The following FRMPD4 variants were observed in gnomAD, a reference collection of about 807,000 sequenced individuals.
FRMPD4 encodes FERM and PDZ domain containing 4.
FRMPD4 carries 22 observed loss-of-function variants against 94.1 expected under a neutral mutation model. That is an observed-to-expected ratio of 0.23 (90% CI 0.17 to 0.33). The LOEUF (loss-of-function observed/expected upper bound fraction) is 0.33. Ranked by LOEUF, FRMPD4 falls within the 10% of genes least tolerant of loss-of-function variation. FRMPD4 has a pLI of 1.00. For missense variants in FRMPD4, 1,111 were observed against 1,339.9 expected, an observed-to-expected ratio of 0.83 and a Z score of 2.67; for synonymous variants, 631 against 548.6, an observed-to-expected ratio of 1.15 and a Z score of -2.10.
chrX:11,952,557 C>T (rs1383445133), intron 3 of FRMPD4, among the ~76,000 whole-genome samples: 1 of 112,436 alleles, frequency 8.9e-6, no homozygotes, highest in Admixed American at 9.4e-5. Flanking sequence ...CCTCCCTTTT[C>T]CAGATGTGAA....
chrX:12,090,092 G>A (rs1464626454), intron 3 of FRMPD4, among the ~76,000 whole-genome samples: 1 of 111,605 alleles, frequency 9.0e-6, no homozygotes, highest in Non-Finnish European at 1.9e-5. Flanking sequence ...ACAGTGATAT[G>A]GTTTGGACCT....
chrX:12,397,262 TAAA>T (rs79137864), intron 1 of FRMPD4, among the ~76,000 whole-genome samples: 2 of 104,980 alleles, frequency 1.9e-5, no homozygotes, highest in Non-Finnish European at 4.0e-5. Flanking sequence ...AACTTTTTTT[TAAA>T]AAAAAAAATA....
chrX:12,295,078 A>G (rs1285826995), intron 1 of FRMPD4, among the ~76,000 whole-genome samples: 1 of 111,941 alleles, frequency 8.9e-6, no homozygotes, highest in East Asian at 2.8e-4. Context: ...TTATATCAAT[A>G]CCTCCTTTCC....
At chrX:12,222,119 G>A (rs1423222301) in intron 1 of FRMPD4, among the ~76,000 whole-genome samples, 2 of 111,518 alleles carry the variant, frequency 1.8e-5, no homozygotes, top group South Asian at 3.8e-4. Context: ...GATTGCTTGA[G>A]CTTCGGAGTT....
At chrX:12,286,453 G>A (rs2054601042) in intron 1 of FRMPD4, among the ~76,000 whole-genome samples, 1 of 111,849 alleles carries the variant, frequency 8.9e-6, no homozygotes, top group Non-Finnish European at 1.9e-5. Context: ...TGAATTAAAT[G>A]ATATGAATAA....
chrX:12,720,045 GAAAGGAAAGA>G (rs1240145668), intron 16 of FRMPD4, among the ~76,000 whole-genome samples: 2 of 13,024 alleles, frequency 1.5e-4, no homozygotes, highest in African/African-American at 3.5e-4. Context: ...GAAAGGAAAG[GAAAGGAAAGA>G]AAGAAAGAAA....
At chrX:12,264,387 G>A (rs1340388743) in intron 1 of FRMPD4, among the ~76,000 whole-genome samples, 1 of 111,630 alleles carries the variant, frequency 9.0e-6, no homozygotes, top group Non-Finnish European at 1.9e-5. Flanking sequence ...AGAAGTTTGG[G>A]GTTCAGAGAC....
At chrX:12,668,836 C>T (rs937800965) in intron 4 of FRMPD4, among the ~76,000 whole-genome samples, 2 of 110,718 alleles carry the variant, frequency 1.8e-5, no homozygotes, top group African/African-American at 6.6e-5. Context: ...AACTCCTGAC[C>T]TCAGGTGATC....
At chrX:11,918,240 A>G (rs1185977063) in intron 3 of FRMPD4, among the ~76,000 whole-genome samples, 1 of 113,088 alleles carries the variant, frequency 8.8e-6, no homozygotes, top group Non-Finnish European at 1.9e-5. Context: ...TGAGTTATTA[A>G]TTTGTTCTGT....
chrX:12,061,118 T>A (rs1419426543), intron 3 of FRMPD4, among the ~76,000 whole-genome samples: 3 of 111,961 alleles, frequency 2.7e-5, no homozygotes, highest in Non-Finnish European at 5.6e-5. Flanking sequence ...AATGAGTAAA[T>A]GTCAAAGAAG....
In FRMPD4 at chrX:11,925,252, T is replaced by C. The variant is rs191475374; in HGVS notation, c.95+47234T>C. On this transcript the variant is annotated intron_variant, in intron 3 of 18. Transcript: ENST00000640291. The stretch of plus-strand genomic sequence containing the variant: ...TGCACCCAACACAGGAGTGCCCAGA[T>C]TCATAAAGCAAGTTTGTAGAGACCT... Among the ~76,000 whole-genome samples the C allele has an allele frequency of 1.8e-3, 205 of 111,086 alleles. 1 individual carries two copies. Among genetic ancestry groups the C allele is most frequent in the African/African-American group, 5.7e-3 (173 of 30,543 alleles).
intron 1 of FRMPD4, among the ~76,000 whole-genome samples, chrX:12,291,769 C>T (rs953140271): frequency 5.4e-5 from 6 of 111,429 alleles, no homozygotes; most frequent in African/African-American, 2.0e-4. Context: ...ATCTGGTCTC[C>T]TTTCCTTTTG....
chrX:12,613,845 C>T (rs1169252872), intron 3 of FRMPD4, among the ~76,000 whole-genome samples: 1 of 112,428 alleles, frequency 8.9e-6, no homozygotes, highest in Admixed American at 9.3e-5. Context: ...GGCATGGTGG[C>T]GGGCGCCTGT....
At chrX:11,846,283 G>A (rs2053576431) in intron 1 of FRMPD4, among the ~76,000 whole-genome samples, 2 of 105,658 alleles carry the variant, frequency 1.9e-5, no homozygotes, top group Non-Finnish European at 3.9e-5. Flanking sequence ...ATTCACAATT[G>A]CTTCAAAGAG....
intron 3 of FRMPD4, among the ~76,000 whole-genome samples, chrX:11,932,030 A>T (rs2054124820): frequency 8.9e-6 from 1 of 112,162 alleles, no homozygotes; most frequent in East Asian, 2.8e-4. Context: ...TAAAAGCTTA[A>T]TGTCGGCATA....
chrX:12,396,609 C>A (rs918982197), intron 1 of FRMPD4, among the ~76,000 whole-genome samples: 1 of 111,558 alleles, frequency 9.0e-6, no homozygotes, highest in Non-Finnish European at 1.9e-5. Context: ...AGATAAATTC[C>A]TGAAATAGTA....
chrX:12,209,877 G>A (rs1351251606), intron 1 of FRMPD4, among the ~76,000 whole-genome samples: 3 of 111,086 alleles, frequency 2.7e-5, no homozygotes, highest in Non-Finnish European at 5.7e-5. Context: ...CAGTTTAAAG[G>A]GATATTCATT....
At chrX:12,065,465 G>T (rs1305631001) in intron 3 of FRMPD4, among the ~76,000 whole-genome samples, 1 of 112,041 alleles carries the variant, frequency 8.9e-6, no homozygotes, top group African/African-American at 3.2e-5. Flanking sequence ...TTGAAAAGGC[G>T]CAGGCGTTCG....
chrX:12,301,370 G>T (rs887097694), intron 1 of FRMPD4, among the ~76,000 whole-genome samples: 5 of 111,571 alleles, frequency 4.5e-5, no homozygotes, highest in African/African-American at 1.6e-4. Context: ...TTATCATCTG[G>T]CCCCAACCTA....
Sources: allele counts gnomAD v4.1 joint callset (sites outside exome capture counted in the v4.1 genomes callset), GRCh38; gene constraint gnomAD v4.1.1; transcripts MANE v1.5; gene names NCBI Gene and HGNC (gene_info 2026-07-23, HGNC 2026-07-21).